Variants in MAPKAP1 observed in about 807,000 individuals in gnomAD.
MAPKAP1 encodes the protein MAPK associated protein 1.
Under a neutral mutation model 65.7 loss-of-function variants are expected in MAPKAP1, and 20 were observed. The observed-to-expected ratio is 0.30, with a 90% CI of 0.21 to 0.44. MAPKAP1 has a LOEUF of 0.44. Among genes scored for constraint, MAPKAP1 ranks in the 20% least tolerant of loss-of-function variants. The probability of loss-of-function intolerance (pLI) is 1.00; values close to 1 mark genes in which losing one functional copy is unlikely to be tolerated. For missense variants in MAPKAP1, 423 were observed against 648.0 expected, an observed-to-expected ratio of 0.65 and a Z score of 3.77; for synonymous variants, 222 against 244.3, an observed-to-expected ratio of 0.91 and a Z score of 0.85.
rs1475395665 is a variant in MAPKAP1 at position 125,519,156 on chromosome 9, A to G, written c.959-12739T>C. Among the ~76,000 whole-genome samples the G allele has an allele frequency of 2.0e-5, 3 of 152,142 alleles. No homozygotes were observed. The East Asian group carries it at 5.8e-4, about 29-fold the overall frequency. On this transcript the variant is annotated intron_variant, in intron 7 of 11. Transcript: ENST00000265960. ...GGCTCCTCACACATCATGTAGGCTCAGTGGCTCTGGAGAGAGACCTAAACA... is the reference window on the plus strand; with the variant it reads ...GGCTCCTCACACATCATGTAGGCTCGGTGGCTCTGGAGAGAGACCTAAACA...
intron 7 of MAPKAP1, among the ~76,000 whole-genome samples, chr9:125,516,365 G>C (rs577026327): frequency 1.3e-5 from 2 of 152,316 alleles, no homozygotes; most frequent in Non-Finnish European, 2.9e-5. Context: ...ACAAAGACTG[G>C]AAGAGGCCTA....
Position 125,706,951 on chromosome 9 carries a change from G to T in MAPKAP1, c.-70+20C>A, listed in dbSNP as rs565114801. ...GGGCTGACGGACGGGCGGGGAGCTG[G>T]CGGCTGGGGCAACCTTTACCTGAAG... On this transcript the variant is annotated intron_variant, in intron 1 of 11. Transcript: ENST00000265960. The T allele has an allele frequency of 2.5e-6, 1 of 393,344 alleles. No homozygotes were observed. The highest frequency in any genetic ancestry group is 1.4e-4 in the South Asian group (1 of 6,992). 24.4% of individuals were successfully genotyped at this position (393,344 alleles called of 1,614,324 possible). A position where few individuals can be genotyped will look rare whatever the true frequency, so the allele number is the denominator to read the frequency against.
At chr9:125,474,680 C>G (rs148030522) in intron 9 of MAPKAP1, among the ~76,000 whole-genome samples, 1 of 152,092 alleles carries the variant, frequency 6.6e-6, no homozygotes, top group African/African-American at 2.4e-5. Context: ...CTTAAAATAC[C>G]CCCTTAAAAA....
chr9:125,615,925 A>G (rs1022727487), intron 4 of MAPKAP1, among the ~76,000 whole-genome samples: 5 of 152,114 alleles, frequency 3.3e-5, no homozygotes, highest in South Asian at 2.1e-4. Flanking sequence ...GAAAAAAAAA[A>G]AAAAGAAAAG....
At chr9:125,636,892 A>C (rs1833440479) in intron 4 of MAPKAP1, among the ~76,000 whole-genome samples, 2 of 152,228 alleles carry the variant, frequency 1.3e-5, no homozygotes, top group African/African-American at 2.4e-5. Flanking sequence ...ACCTTAGCCC[A>C]AAAATCTCGT....
chr9:125,452,211 A>C (rs1337802049), intron 10 of MAPKAP1, among the ~76,000 whole-genome samples: 2 of 140,010 alleles, frequency 1.4e-5, no homozygotes, highest in Non-Finnish European at 3.1e-5. Flanking sequence ...TGATCCTCCC[A>C]CCTCAGCCTC....
chr9:125,528,586 C>T (rs962353702), intron 7 of MAPKAP1, among the ~76,000 whole-genome samples: 68 of 152,330 alleles, frequency 4.5e-4, no homozygotes, highest in African/African-American at 1.6e-3. Context: ...CAGTGGCTCA[C>T]GCCTGTAATC....
At chr9:125,511,173 TCA>T (rs1375655067) in intron 7 of MAPKAP1, among the ~76,000 whole-genome samples, 3 of 142,654 alleles carry the variant, frequency 2.1e-5, no homozygotes, top group Non-Finnish European at 4.4e-5. Context: ...ACCATCATCA[TCA>T]TCATCATCAT....
At chr9:125,494,016 AAC>A (rs1014348689) in intron 8 of MAPKAP1, among the ~76,000 whole-genome samples, 3 of 152,252 alleles carry the variant, frequency 2.0e-5, no homozygotes, top group East Asian at 3.9e-4. Flanking sequence ...ATCTAAGGAG[AAC>A]ACAGTCACGC....
In MAPKAP1 at chr9:125,596,132, C is replaced by T. The variant is rs16928317; in HGVS notation, c.499-10405G>A. On this transcript the variant is annotated intron_variant, in intron 4 of 11. Coordinates refer to ENST00000265960, the MANE Select transcript of MAPKAP1 (RefSeq NM_001006617.3). ...TTGCCTTTGTAACCTTTGATGGCCA[C>T]GACTCCGTGGATAAGACTGTCATTC... 1,455 of 787,244 alleles carry T rather than the reference C, an allele frequency of 1.8e-3. 21 individuals are homozygous for T. In the African/African-American group the frequency reaches 0.022, roughly 12 times the overall value. The allele number at this position is 787,244 out of a possible 1,614,324, so 48.8% of individuals were successfully genotyped here. A position where few individuals can be genotyped will look rare whatever the true frequency, so the allele number is the denominator to read the frequency against.
chr9:125,677,419 G>A (rs188470702), intron 1 of MAPKAP1, among the ~76,000 whole-genome samples: 49 of 152,024 alleles, frequency 3.2e-4, no homozygotes, highest in African/African-American at 1.1e-3. Flanking sequence ...AATAAGGCCC[G>A]GTACAGTCAC....
At chr9:125,614,301 G>A (rs989409700) in intron 4 of MAPKAP1, among the ~76,000 whole-genome samples, 5 of 151,924 alleles carry the variant, frequency 3.3e-5, no homozygotes. Context: ...TACTAGGTTG[G>A]TTTAACATAA....
intron 4 of MAPKAP1, among the ~76,000 whole-genome samples, chr9:125,606,672 T>G (rs1037254782): frequency 6.6e-6 from 1 of 152,218 alleles, no homozygotes. Context: ...ATTCTCTACA[T>G]GCCTTTCTGA....
chr9:125,693,692 T>A (rs1053546141), intron 1 of MAPKAP1, among the ~76,000 whole-genome samples: 1 of 125,458 alleles, frequency 8.0e-6, no homozygotes, highest in Non-Finnish European at 1.6e-5. Context: ...TACACGTATA[T>A]ATACACGTAT....
intron 9 of MAPKAP1, among the ~76,000 whole-genome samples, chr9:125,474,101 G>A (rs1456215526): frequency 6.6e-6 from 1 of 152,074 alleles, no homozygotes; most frequent in Non-Finnish European, 1.5e-5. Flanking sequence ...GATGAGGGTC[G>A]AGTCTGGGGA....
chr9:125,631,019 C>T (rs774907050), intron 4 of MAPKAP1, among the ~76,000 whole-genome samples: 2 of 152,020 alleles, frequency 1.3e-5, no homozygotes, highest in Non-Finnish European at 2.9e-5. Context: ...ACTGCTTGAG[C>T]CCAAGAGTCT....
intron 6 of MAPKAP1, among the ~76,000 whole-genome samples, chr9:125,543,712 G>T (rs1394684160): frequency 1.3e-5 from 2 of 152,236 alleles, no homozygotes; most frequent in Non-Finnish European, 2.9e-5. Context: ...CCATGTGAGA[G>T]AGGTCACGCT....
chr9:125,515,623 T>C (rs1019063850), intron 7 of MAPKAP1, among the ~76,000 whole-genome samples: 1 of 152,256 alleles, frequency 6.6e-6, no homozygotes, highest in Non-Finnish European at 1.5e-5. Flanking sequence ...CCCAGCCTAA[T>C]GGCAAAAAAT....
chr9:125,565,095 T>C (rs1831008424), intron 5 of MAPKAP1, among the ~76,000 whole-genome samples: 1 of 152,214 alleles, frequency 6.6e-6, no homozygotes, highest in Admixed American at 6.5e-5. Context: ...AGAATATATA[T>C]GATACATAAA....
Sources: allele counts gnomAD v4.1 joint callset (sites outside exome capture counted in the v4.1 genomes callset), GRCh38; gene constraint gnomAD v4.1.1; transcripts MANE v1.5; gene names NCBI Gene and HGNC (gene_info 2026-07-23, HGNC 2026-07-21).